KMT5B: variants seen among roughly 807,000 people sequenced by gnomAD.
KMT5B encodes lysine methyltransferase 5B.
In KMT5B, 10 loss-of-function variants were observed where a neutral mutation model predicts 83.2. The ratio of observed to expected loss-of-function variants is 0.12; its 90% CI spans 0.07 to 0.20. The LOEUF is 0.20. Among genes scored for constraint, KMT5B ranks in the 10% least tolerant of loss-of-function variants. KMT5B has a pLI of 1.00. For missense variants in KMT5B, 753 were observed against 1,067.2 expected, an observed-to-expected ratio of 0.71 and a Z score of 4.10; for synonymous variants, 349 against 388.8, an observed-to-expected ratio of 0.90 and a Z score of 1.20.
chr11:68,191,173 TTGTGTGTGTGTGTG>T (rs71040600), intron 1 of KMT5B, among the ~76,000 whole-genome samples: 4 of 139,278 alleles, frequency 2.9e-5, no homozygotes, highest in Admixed American at 2.2e-4. Context: ...TTTTAAAACT[TTGTGTGTGTGTGTG>T]TGTGTGTGTG....
chr11:68,160,872 G>A (rs1324923860), intron 10 of KMT5B, among the ~76,000 whole-genome samples: 1 of 152,168 alleles, frequency 6.6e-6, no homozygotes, highest in Non-Finnish European at 1.5e-5. Flanking sequence ...ACTTGAACCT[G>A]GGAGGCAGAG....
At chr11:68,209,805 T>TG (rs1860641787) in intron 1 of KMT5B, among the ~76,000 whole-genome samples, 1 of 152,070 alleles carries the variant, frequency 6.6e-6, no homozygotes, top group Non-Finnish European at 1.5e-5. Context: ...GAGCCACGTG[T>TG]ACCACCTAGA....
chr11:68,213,540 G>A (rs1861276612), upstream of KMT5B: 1 of 151,622 alleles, frequency 6.6e-6, no homozygotes, highest in Admixed American at 6.6e-5. Context: ...CGCGTCCCAG[G>A]TCCGTGCGCC....
chr11:68,166,543 G>T (rs986989379), intron 10 of KMT5B: 2 of 1,006,788 alleles, frequency 2.0e-6, no homozygotes, highest in Non-Finnish European at 2.4e-6. Flanking sequence ...AAAGGTGGAA[G>T]CCTTAAGGCC....
In KMT5B at chr11:68,158,809, C is replaced by A. The variant is rs369607375; in HGVS notation, c.1537G>T (p.Ala513Ser). 2 of 1,614,166 alleles carry A rather than the reference C, an allele frequency of 1.2e-6. No individual in the cohort carries two copies. The highest frequency in any genetic ancestry group is 8.5e-7 in the Non-Finnish European group (1 of 1,180,040). ...AVASGCLTRH[A>S]AREHRQNPVR... ...GGATTCTGTCTGTGTTCTCTCGCCG[C>A]GTGTCTAGTCAAGCACCCGCTGGCA... Residue 513 changes from alanine to serine, a missense_variant, in exon 11 of 11, where the codon GCG (alanine) becomes TCG (serine). This residue lies in a region of KMT5B where 397 missense variants were observed against 395.9 expected (regional missense o/e 1.00). Transcript: ENST00000304363.
chr11:68,188,489 G>T (rs1315671699), intron 2 of KMT5B, among the ~76,000 whole-genome samples: 1 of 151,760 alleles, frequency 6.6e-6, no homozygotes, highest in Non-Finnish European at 1.5e-5. Flanking sequence ...TGGAACCATA[G>T]ACATGCAACA....
chr11:68,193,048 T>C (rs1858274463), intron 1 of KMT5B, among the ~76,000 whole-genome samples: 1 of 152,212 alleles, frequency 6.6e-6, no homozygotes, highest in Non-Finnish European at 1.5e-5. Flanking sequence ...AAAAAGGATG[T>C]CCATGATACC....
At chr11:68,175,571 T>TTGA (rs1856281006) in intron 4 of KMT5B, among the ~76,000 whole-genome samples, 1 of 152,196 alleles carries the variant, frequency 6.6e-6, no homozygotes, top group Non-Finnish European at 1.5e-5. Flanking sequence ...AGACACAAAA[T>TTGA]CAAAGCTCTA....
chr11:68,189,742 T>C (rs377003647), intron 2 of KMT5B, 175 bp downstream of exon 2: 4 of 495,520 alleles, frequency 8.1e-6, no homozygotes, highest in South Asian at 8.4e-5. Flanking sequence ...GAGTTTTATA[T>C]AGTTTGATGA....
At chr11:68,162,882 G>C (rs1291335412) in intron 10 of KMT5B, among the ~76,000 whole-genome samples, 1 of 152,186 alleles carries the variant, frequency 6.6e-6, no homozygotes, top group Non-Finnish European at 1.5e-5. Context: ...GACAGGCAAA[G>C]AATTTGAGAA....
At chr11:68,206,073 A>C (rs1297716376) in intron 1 of KMT5B, among the ~76,000 whole-genome samples, 1 of 152,218 alleles carries the variant, frequency 6.6e-6, no homozygotes, top group Non-Finnish European at 1.5e-5. Context: ...TGTAAGAAAG[A>C]CTTCATGTCT....
chr11:68,182,544 G>C (rs922966254), intron 3 of KMT5B, among the ~76,000 whole-genome samples: 1 of 149,696 alleles, frequency 6.7e-6, no homozygotes, highest in East Asian at 2.0e-4. Context: ...TTGCAGCCTC[G>C]AGCTCCTGGG....
At chr11:68,186,698 T>C (rs148782474) in intron 2 of KMT5B, among the ~76,000 whole-genome samples, 23 of 152,376 alleles carry the variant, frequency 1.5e-4, no homozygotes, top group African/African-American at 5.5e-4. Flanking sequence ...TTAAGTTTGA[T>C]GTATATGCCA....
intron 9 of KMT5B, among the ~76,000 whole-genome samples, chr11:68,168,180 A>G (rs762880280): frequency 7.2e-5 from 11 of 152,196 alleles, no homozygotes; most frequent in Non-Finnish European, 1.5e-4. Flanking sequence ...ACTTTTTGCC[A>G]AAGTGATGAG....
intron 1 of KMT5B, among the ~76,000 whole-genome samples, chr11:68,204,154 AC>A (rs1401986599): frequency 1.3e-5 from 2 of 152,130 alleles, no homozygotes; most frequent in African/African-American, 4.8e-5. Flanking sequence ...TCAGAATAAA[AC>A]GATGGCCACA....
At chr11:68,204,996 A>G (rs1002111882) in intron 1 of KMT5B, among the ~76,000 whole-genome samples, 10 of 152,216 alleles carry the variant, frequency 6.6e-5, no homozygotes, top group African/African-American at 2.4e-4. Flanking sequence ...AAACTAAACC[A>G]AAGTAGAAAC....
At chr11:68,168,439 G>A (rs911737322) in intron 9 of KMT5B, among the ~76,000 whole-genome samples, 6 of 151,658 alleles carry the variant, frequency 4.0e-5, no homozygotes, top group Non-Finnish European at 7.4e-5. Context: ...GGGTGCAAGC[G>A]ATTCTCCTGC....
At chr11:68,185,718 C>G in intron 3 of KMT5B, 63 bp downstream of exon 3, 1 of 1,441,816 alleles carries the variant, frequency 6.9e-7, no homozygotes, top group East Asian at 2.4e-5. Flanking sequence ...GTAAAATTAG[C>G]CATCTATGTT....
chr11:68,201,052 T>G (rs1489993163), intron 1 of KMT5B, among the ~76,000 whole-genome samples: 1 of 152,092 alleles, frequency 6.6e-6, no homozygotes, highest in Non-Finnish European at 1.5e-5. Context: ...AGATAAAACA[T>G]ACTGGAAAAC....
Sources: allele counts gnomAD v4.1 joint callset (sites outside exome capture counted in the v4.1 genomes callset), GRCh38; gene constraint gnomAD v4.1.1; regional missense constraint gnomAD v4.1.1; transcripts MANE v1.5; gene names NCBI Gene and HGNC (gene_info 2026-07-23, HGNC 2026-07-21).